Variants in ATF7 observed in about 807,000 individuals in gnomAD.
ATF7 encodes the protein cyclic AMP-dependent transcription factor ATF-7.
Under a neutral mutation model 50.4 loss-of-function variants are expected in ATF7, and 10 were observed. The ratio of observed to expected loss-of-function variants is 0.20; its 90% CI spans 0.12 to 0.34. The LOEUF is 0.34. Among genes scored for constraint, ATF7 ranks in the 10% least tolerant of loss-of-function variants. The pLI is 1.00. For missense variants in ATF7, 465 were observed against 613.9 expected (o/e 0.76, Z 2.56); for synonymous variants, 201 against 226.4 (o/e 0.89, Z 1.01).
chr12:53,542,427 C>CAA (rs59513977), intron 4 of ATF7, among the ~76,000 whole-genome samples: 1 of 136,468 alleles, frequency 7.3e-6, no homozygotes, highest in Admixed American at 7.3e-5. Context: ...ACTCTTGTCT[C>CAA]AAAAAAAAAA....
rs1230191659 is a variant in ATF7 at position 53,597,450 on chromosome 12, AG to A, written c.48+3502del. On this transcript the variant is annotated intron_variant, in intron 2 of 11. Coordinates refer to ENST00000420353, the MANE Select transcript of ATF7 (RefSeq NM_006856.3). ...ACAATTTCTGAGTTTAGGAATGCAT[AG>A]GGTAAAGTCTGGGCAAGGAGCAGAT... 3.9e-5 allele frequency among the ~76,000 whole-genome samples: 6 copies of A among 152,318 alleles called. No individual in the cohort carries two copies. In the East Asian group the frequency reaches 1.2e-3, roughly 29 times the overall value.
chr12:53,568,728 C>T (rs960245377), intron 2 of ATF7, among the ~76,000 whole-genome samples: 6 of 152,298 alleles, frequency 3.9e-5, no homozygotes, highest in East Asian at 1.9e-4. Flanking sequence ...GATAAGCTAT[C>T]TTTAGTTTTA....
intron 10 of ATF7, among the ~76,000 whole-genome samples, chr12:53,523,946 A>C (rs2137336159): frequency 6.6e-6 from 1 of 152,334 alleles, no homozygotes; most frequent in Non-Finnish European, 1.5e-5. Context: ...ATAAATAAAA[A>C]ATATTTAGGA....
At chr12:53,547,560 G>A (rs368832273) in intron 3 of ATF7, among the ~76,000 whole-genome samples, 1 of 151,562 alleles carries the variant, frequency 6.6e-6, no homozygotes, top group Non-Finnish European at 1.5e-5. Flanking sequence ...TGCTGGGATT[G>A]TAGGTGTGAG....
chr12:53,612,668 C>T, intron 1 of ATF7, among the ~76,000 whole-genome samples: 1 of 152,120 alleles, frequency 6.6e-6, no homozygotes, highest in East Asian at 1.9e-4. Flanking sequence ...AAGGTTAAAT[C>T]ATTCATGAGT....
In ATF7 at chr12:53,597,766, G is replaced by A. The variant is rs151088964; in HGVS notation, c.48+3187C>T. Among the ~76,000 whole-genome samples, 197 of 147,096 alleles carry A rather than the reference G, an allele frequency of 1.3e-3. 2 individuals are homozygous for A. Among genetic ancestry groups the A allele is most frequent in the African/African-American group, 4.6e-3 (181 of 39,190 alleles). On this transcript the variant is annotated intron_variant, in intron 2 of 11. Transcript: ENST00000420353. The stretch of plus-strand genomic sequence containing the variant: ...GGAGCTTGCAGTGAGCTGATATAGC[G>A]CCACGGCACTCCAGCTTGGGCGACA...
At chr12:53,582,116 CAA>C in intron 2 of ATF7, among the ~76,000 whole-genome samples, 1 of 151,336 alleles carries the variant, frequency 6.6e-6, no homozygotes, top group South Asian at 2.1e-4. Flanking sequence ...AATGAATGAA[CAA>C]AAAAAGAGTG....
At chr12:53,518,591 G>A (rs1048064279) in intron 11 of ATF7, among the ~76,000 whole-genome samples, 1 of 152,182 alleles carries the variant, frequency 6.6e-6, no homozygotes, top group African/African-American at 2.4e-5. Flanking sequence ...CCAAATTGCC[G>A]GGATTACAGG....
At chr12:53,554,994 C>T (rs1940630485) in intron 2 of ATF7, among the ~76,000 whole-genome samples, 1 of 151,302 alleles carries the variant, frequency 6.6e-6, no homozygotes, top group Admixed American at 6.6e-5. Context: ...TGGTAAACTC[C>T]AGGCACCATC....
chr12:53,522,094 T>A (rs1280901800), intron 11 of ATF7, among the ~76,000 whole-genome samples: 2 of 152,222 alleles, frequency 1.3e-5, no homozygotes, highest in Non-Finnish European at 2.9e-5. Context: ...ATTGCACATG[T>A]CCTGAGCACA....
chr12:53,559,696 A>AAAG (rs1940983340), intron 2 of ATF7, among the ~76,000 whole-genome samples: 1 of 150,646 alleles, frequency 6.6e-6, no homozygotes, highest in African/African-American at 2.4e-5. Context: ...AAAAAAAAAA[A>AAAG]GCAAAAATCC....
intron 2 of ATF7, among the ~76,000 whole-genome samples, chr12:53,581,566 T>G (rs1942425401): frequency 6.6e-6 from 1 of 152,024 alleles, no homozygotes. Context: ...GGACTTAGAT[T>G]AAATAACATA....
intron 9 of ATF7, among the ~76,000 whole-genome samples, chr12:53,527,977 G>T (rs1308624119): frequency 1.3e-5 from 2 of 151,766 alleles, no homozygotes. Context: ...GAGTAGCTGG[G>T]ACTACAGGCG....
intron 8 of ATF7, 69 bp from the exon 9 acceptor site, chr12:53,531,965 T>C: frequency 6.4e-7 from 1 of 1,552,082 alleles, no homozygotes; most frequent in East Asian, 2.3e-5. Context: ...AGAGTGGCCT[T>C]AGATTTTATT....
chr12:53,520,605 T>C (rs1938061095), intron 11 of ATF7, among the ~76,000 whole-genome samples: 1 of 152,140 alleles, frequency 6.6e-6, no homozygotes, highest in Non-Finnish European at 1.5e-5. Flanking sequence ...GCCTTTCCTC[T>C]GAATTACAAA....
At chr12:53,559,208 A>AT (rs1383716805) in intron 2 of ATF7, among the ~76,000 whole-genome samples, 2 of 150,282 alleles carry the variant, frequency 1.3e-5, no homozygotes, top group Non-Finnish European at 3.0e-5. Flanking sequence ...AAGTCTTAAG[A>AT]TTTTTTTACT....
rs4759235 is a variant in ATF7 at position 53,573,282 on chromosome 12, C to G, written c.49-20645G>C. On this transcript the variant is annotated intron_variant, in intron 2 of 11. Coordinates refer to ENST00000420353, the MANE Select transcript of ATF7 (RefSeq NM_006856.3). ...AGGGAAACATAGTATGGTCATCCCT[C>G]CATATCCATGGGGGACTGGTTTCAA... Among the ~76,000 whole-genome samples the G allele has an allele frequency of 2.0e-5, 3 of 152,078 alleles. No individual in the cohort carries two copies. In the South Asian group the frequency reaches 6.2e-4, roughly 32 times the overall value.
intron 11 of ATF7, among the ~76,000 whole-genome samples, chr12:53,520,109 C>T (rs945271059): frequency 6.6e-6 from 1 of 152,156 alleles, no homozygotes; most frequent in Non-Finnish European, 1.5e-5. Flanking sequence ...CCACATTTGG[C>T]TCTGTAGCTG....
intron 2 of ATF7, among the ~76,000 whole-genome samples, chr12:53,585,483 G>A (rs1010296913): frequency 6.6e-6 from 1 of 151,938 alleles, no homozygotes; most frequent in Non-Finnish European, 1.5e-5. Flanking sequence ...ACTCAATTTT[G>A]CTGTGAATCT....
Sources: gnomAD v4.1 joint callset for allele counts (sites outside exome capture counted in the v4.1 genomes callset) on GRCh38, gnomAD v4.1.1 for gene constraint, MANE v1.5 for transcripts, NCBI Gene and HGNC (gene_info 2026-07-23, HGNC 2026-07-21) for gene names.